The following CSMD1 variants were observed in gnomAD, a reference collection of about 807,000 sequenced individuals.
CSMD1 encodes the protein CUB and sushi domain-containing protein 1.
CSMD1 carries 213 observed loss-of-function variants against 417.5 expected under a neutral mutation model. That is an observed-to-expected ratio of 0.51 (90% confidence interval 0.46 to 0.57). The LOEUF (loss-of-function observed/expected upper bound fraction) is 0.57, where lower values mean the gene tolerates loss of function less well. CSMD1 is among the 20% of genes least tolerant of loss of function. The probability of loss-of-function intolerance (pLI) is 0.00; values close to 1 mark genes in which losing one functional copy is unlikely to be tolerated. For synonymous variants in CSMD1, 2,862 were observed against 1,736.8 expected (o/e 1.65, Z -16.11); for missense variants, 6,923 against 4,529.7 (o/e 1.53, Z -15.17).
chr8:3,296,177 T>C (rs1042229818), intron 25 of CSMD1, among the ~76,000 whole-genome samples: 1 of 151,880 alleles, frequency 6.6e-6, no homozygotes, highest in Non-Finnish European at 1.5e-5. Flanking sequence ...CCTGAAGTAT[T>C]AAATGGGGTG....
At chr8:4,111,914 C>A (rs4875281) in intron 3 of CSMD1, among the ~76,000 whole-genome samples, 1,671 of 152,090 alleles carry the variant, frequency 0.011, 27 homozygotes, top group African/African-American at 0.038. Context: ...ACATGTACCC[C>A]AGAACTTAAA....
chr8:4,140,505 C>T (rs865792247), intron 3 of CSMD1, among the ~76,000 whole-genome samples: 1 of 150,264 alleles, frequency 6.7e-6, no homozygotes, highest in Non-Finnish European at 1.5e-5. Context: ...AACAAACAAA[C>T]AAACAAACAA....
chr8:4,788,369 C>T lies in CSMD1; in HGVS notation c.86-150811G>A, dbSNP rs1466110255. On this transcript the variant is annotated intron_variant, in intron 1 of 69. Transcript: ENST00000635120. ...ATCCAGTTATCACCTGTCCTCCCCTCACACCAGACTGGGGAGCTCAGGATG... is the reference window on the plus strand; with the variant it reads ...ATCCAGTTATCACCTGTCCTCCCCTTACACCAGACTGGGGAGCTCAGGATG... 2.1e-6 allele frequency: 3 copies of T among 1,448,600 alleles called. No individual in the cohort carries two copies. In the African/African-American group the frequency reaches 4.2e-5, roughly 20 times the overall value. The allele number at this position is 1,448,600 out of a possible 1,614,324, so 89.7% of individuals were successfully genotyped here. A position where few individuals can be genotyped will look rare whatever the true frequency, so the allele number is the denominator to read the frequency against.
At chr8:3,461,810 G>A (rs553597330) in intron 12 of CSMD1, among the ~76,000 whole-genome samples, 36 of 152,328 alleles carry the variant, frequency 2.4e-4, no homozygotes, top group African/African-American at 7.7e-4. Context: ...GATAGAACAC[G>A]GACAAGTCTA....
intron 3 of CSMD1, among the ~76,000 whole-genome samples, chr8:4,389,409 G>C (rs531627639): frequency 6.6e-6 from 1 of 152,072 alleles, no homozygotes; most frequent in Non-Finnish European, 1.5e-5. Flanking sequence ...TTAGACCATA[G>C]AAACATACGA....
intron 3 of CSMD1, among the ~76,000 whole-genome samples, chr8:4,317,077 A>T (rs968082227): frequency 6.6e-6 from 1 of 152,156 alleles, no homozygotes; most frequent in Non-Finnish European, 1.5e-5. Flanking sequence ...TTAATCAGCT[A>T]CTAGTGTTTA....
At chr8:4,479,825 G>A (rs1162850937) in intron 2 of CSMD1, among the ~76,000 whole-genome samples, 2 of 151,878 alleles carry the variant, frequency 1.3e-5, no homozygotes, top group East Asian at 1.9e-4. Flanking sequence ...TTAGCCAGGC[G>A]TGGTGGCGCC....
intron 1 of CSMD1, among the ~76,000 whole-genome samples, chr8:4,661,785 C>T (rs1431309032): frequency 6.6e-6 from 1 of 152,052 alleles, no homozygotes; most frequent in Admixed American, 6.5e-5. Context: ...CGTAATAATC[C>T]TATATCCAAA....
intron 3 of CSMD1, among the ~76,000 whole-genome samples, chr8:4,056,600 A>G (rs1798705214): frequency 6.6e-6 from 1 of 151,800 alleles, no homozygotes; most frequent in Non-Finnish European, 1.5e-5. Flanking sequence ...TAAGTTACCT[A>G]TGTATACATG....
intron 1 of CSMD1, among the ~76,000 whole-genome samples, chr8:4,665,479 G>A (rs1055873987): frequency 4.6e-5 from 7 of 152,126 alleles, no homozygotes; most frequent in African/African-American, 1.7e-4. Context: ...AGCATTCCCA[G>A]CACACTGATA....
chr8:4,026,751 G>A (rs1307018224), intron 4 of CSMD1, among the ~76,000 whole-genome samples: 1 of 152,196 alleles, frequency 6.6e-6, no homozygotes, highest in Non-Finnish European at 1.5e-5. Context: ...GTAATAAGGG[G>A]TTGTAATGAT....
intron 31 of CSMD1, among the ~76,000 whole-genome samples, chr8:3,204,474 C>A (rs572978307): frequency 6.6e-6 from 1 of 152,074 alleles, no homozygotes; most frequent in East Asian, 1.9e-4. Flanking sequence ...AGAATTTGGT[C>A]CAACTTAAAA....
chr8:4,156,121 A>G (rs1796820416), intron 3 of CSMD1, among the ~76,000 whole-genome samples: 2 of 152,176 alleles, frequency 1.3e-5, no homozygotes, highest in Non-Finnish European at 2.9e-5. Context: ...CGATCCTGAC[A>G]TTAAGAGTCC....
At chr8:4,273,388 A>T (rs192456998) in intron 3 of CSMD1, among the ~76,000 whole-genome samples, 1 of 152,166 alleles carries the variant, frequency 6.6e-6, no homozygotes, top group Non-Finnish European at 1.5e-5. Flanking sequence ...TCTGGATTTC[A>T]TATCAGATAA....
intron 21 of CSMD1, 148 bp from the exon 22 acceptor site, chr8:3,348,309 T>C (rs972031166): frequency 2.1e-5 from 13 of 628,192 alleles, no homozygotes; most frequent in African/African-American, 5.8e-5. Context: ...TCAGTGATTT[T>C]TTTTTATTGT....
At chr8:3,606,741 T>C (rs1207889711) in intron 8 of CSMD1, among the ~76,000 whole-genome samples, 1 of 150,700 alleles carries the variant, frequency 6.6e-6, no homozygotes, top group African/African-American at 2.4e-5. Context: ...AGACAGAGTC[T>C]CACTGGGTCC....
chr8:4,831,505 T>C (rs1434753582), intron 1 of CSMD1, among the ~76,000 whole-genome samples: 1 of 152,194 alleles, frequency 6.6e-6, no homozygotes, highest in Non-Finnish European at 1.5e-5. Flanking sequence ...ATGCTGCTCA[T>C]TGCATGGTAC....
chr8:4,435,611 G>A (rs1000263560), intron 2 of CSMD1, among the ~76,000 whole-genome samples: 3 of 152,168 alleles, frequency 2.0e-5, no homozygotes, highest in Non-Finnish European at 4.4e-5. Context: ...CACGGCACAT[G>A]AGTGAATGGT....
At chr8:3,021,635 C>T (rs1412670365) in intron 51 of CSMD1, among the ~76,000 whole-genome samples, 1 of 152,230 alleles carries the variant, frequency 6.6e-6, no homozygotes, top group African/African-American at 2.4e-5. Flanking sequence ...CGGAAATCAC[C>T]TGCAATCCCA....
Sources: allele counts gnomAD v4.1 joint callset (sites outside exome capture counted in the v4.1 genomes callset), GRCh38; gene constraint gnomAD v4.1.1; transcripts MANE v1.5; gene names NCBI Gene and HGNC (gene_info 2026-07-23, HGNC 2026-07-21).